Variants in HSD17B4 observed in about 807,000 individuals in gnomAD.
HSD17B4 encodes peroxisomal multifunctional enzyme type 2.
A neutral mutation model predicts 101.0 loss-of-function variants in HSD17B4; 70 were observed. The ratio of observed to expected loss-of-function variants is 0.69; its 90% confidence interval spans 0.57 to 0.85. HSD17B4 has a LOEUF of 0.85. HSD17B4 is among the 40% of genes least tolerant of loss of function. The pLI is 0.00. For missense variants in HSD17B4, 984 were observed against 892.4 expected (o/e 1.10, Z -1.31); for synonymous variants, 347 against 297.1 (o/e 1.17, Z -1.73).
Position 119,475,849 on chromosome 5 carries a change from A to G in HSD17B4, c.328A>G (p.Arg110Gly), listed in dbSNP as rs754589251. ...AATTCTGAGGGATCGTTCCTTTGCTAGGATAAGTGATGAAGACTGGGGTAA... is the reference window on the plus strand; with the variant it reads ...AATTCTGAGGGATCGTTCCTTTGCTGGGATAAGTGATGAAGACTGGGGTAA... ...AGILRDRSFA[R>G]ISDEDWDIIH... The change falls in exon 6 of 24, where the codon AGG becomes GGG. Residue 110 changes from arginine to glycine, a missense_variant. Transcript: ENST00000510025. 3.1e-6 allele frequency: 5 copies of G among 1,598,920 alleles called. No individual in the cohort carries two copies. The Admixed American group carries it at 6.7e-5, about 21-fold the overall frequency.
intron 11 of HSD17B4, among the ~76,000 whole-genome samples, chr5:119,494,325 T>TC (rs1230671198): frequency 1.8e-5 from 2 of 111,524 alleles, no homozygotes; most frequent in Non-Finnish European, 3.7e-5. Context: ...TCTTTCTTTC[T>TC]TTTCTTTCTT....
At chr5:119,501,188 A>G (rs1751128301) in intron 13 of HSD17B4, among the ~76,000 whole-genome samples, 1 of 152,138 alleles carries the variant, frequency 6.6e-6, no homozygotes. Flanking sequence ...GGAAATCGTA[A>G]ATGGTGTTCA....
intron 11 of HSD17B4, among the ~76,000 whole-genome samples, chr5:119,496,251 G>T (rs1306474190): frequency 2.0e-5 from 3 of 152,172 alleles, no homozygotes; most frequent in Admixed American, 6.6e-5. Flanking sequence ...TTGTAAAATA[G>T]CTTAAAGACA....
At chr5:119,519,745 A>G (rs1384876717) in intron 17 of HSD17B4, among the ~76,000 whole-genome samples, 2 of 152,250 alleles carry the variant, frequency 1.3e-5, no homozygotes, top group Admixed American at 6.5e-5. Flanking sequence ...ATGTAAAGTC[A>G]TTAAGAAAGC....
At chr5:119,464,546 T>G (rs1755614334) in intron 2 of HSD17B4, 1 of 152,172 alleles carries the variant, frequency 6.6e-6, no homozygotes, top group African/African-American at 2.4e-5. Context: ...CATTGGTCTA[T>G]GTATCTATTT....
At chr5:119,524,683 C>G (rs1036593383) in intron 17 of HSD17B4, among the ~76,000 whole-genome samples, 1 of 152,084 alleles carries the variant, frequency 6.6e-6, no homozygotes, top group African/African-American at 2.4e-5. Context: ...CTCAGCAGAA[C>G]TTTTATCATA....
At chr5:119,498,908 G>A (rs897079549) in intron 12 of HSD17B4, among the ~76,000 whole-genome samples, 12 of 152,096 alleles carry the variant, frequency 7.9e-5, no homozygotes, top group African/African-American at 2.7e-4. Context: ...CCATTATGAG[G>A]CAATCAAATT....
intron 13 of HSD17B4, among the ~76,000 whole-genome samples, chr5:119,501,491 A>T (rs1158848701): frequency 6.6e-6 from 1 of 152,112 alleles, no homozygotes; most frequent in Non-Finnish European, 1.5e-5. Context: ...GTGGCTATTA[A>T]GTTACACAGT....
chr5:119,480,578 C>T (rs1438523564), intron 8 of HSD17B4, among the ~76,000 whole-genome samples: 1 of 152,134 alleles, frequency 6.6e-6, no homozygotes, highest in Admixed American at 6.5e-5. Flanking sequence ...AGGGCGAGAT[C>T]ACAGGACCAC....
intron 10 of HSD17B4, 34 bp from the exon 11 acceptor site, chr5:119,493,784 G>A: frequency 6.2e-7 from 1 of 1,603,068 alleles, no homozygotes; most frequent in Non-Finnish European, 8.5e-7. Context: ...TCTCAACTAT[G>A]TGCTCAGTAT....
chr5:119,525,696 C>T (rs1753523693), intron 18 of HSD17B4: 1 of 567,774 alleles, frequency 1.8e-6, no homozygotes, highest in Non-Finnish European at 3.1e-6. Context: ...AGATCTCTCA[C>T]ATTCTTTTCC....
intron 6 of HSD17B4, 47 bp from the exon 7 acceptor site, chr5:119,477,370 G>A (rs767569017): frequency 1.3e-5 from 16 of 1,267,768 alleles, no homozygotes; most frequent in Non-Finnish European, 1.8e-5. Context: ...TCTTAGACAT[G>A]CCTAAGTTTT....
intron 12 of HSD17B4, among the ~76,000 whole-genome samples, chr5:119,498,297 C>T (rs1750831628): frequency 6.6e-6 from 1 of 152,116 alleles, no homozygotes; most frequent in Non-Finnish European, 1.5e-5. Flanking sequence ...TGATGAAGGG[C>T]CATATAGTAA....
chr5:119,514,525 G>A (rs192339959), intron 16 of HSD17B4, among the ~76,000 whole-genome samples: 2 of 152,122 alleles, frequency 1.3e-5, no homozygotes, highest in Admixed American at 1.3e-4. Flanking sequence ...TGGCATTAAG[G>A]GATCATAATA....
At chr5:119,482,614 A>G (rs1272223956) in intron 8 of HSD17B4, among the ~76,000 whole-genome samples, 2 of 152,120 alleles carry the variant, frequency 1.3e-5, no homozygotes, top group Non-Finnish European at 2.9e-5. Context: ...GTTAGGAGTT[A>G]GGCCGTGTTT....
At chr5:119,522,792 C>T (rs1462254834) in intron 17 of HSD17B4, among the ~76,000 whole-genome samples, 3 of 152,050 alleles carry the variant, frequency 2.0e-5, no homozygotes, top group Non-Finnish European at 2.9e-5. Context: ...CTGTTCTCCC[C>T]GAAAGTGATA....
At chr5:119,494,837 C>T (rs1477183911) in intron 11 of HSD17B4, among the ~76,000 whole-genome samples, 1 of 152,118 alleles carries the variant, frequency 6.6e-6, no homozygotes, top group African/African-American at 2.4e-5. Context: ...TCTCCTGTTA[C>T]ATACCACAGA....
intron 14 of HSD17B4, among the ~76,000 whole-genome samples, chr5:119,502,721 T>C (rs1246127339): frequency 6.6e-6 from 1 of 152,220 alleles, no homozygotes; most frequent in Non-Finnish European, 1.5e-5. Context: ...TGTCATTTCA[T>C]GTTATACAAT....
intron 17 of HSD17B4, among the ~76,000 whole-genome samples, chr5:119,520,106 T>A (rs565970951): frequency 6.6e-6 from 1 of 152,054 alleles, no homozygotes; most frequent in Non-Finnish European, 1.5e-5. Flanking sequence ...CAAAAATAAA[T>A]CATTGAGAAA....
Sources: gnomAD v4.1 joint callset for allele counts (sites outside exome capture counted in the v4.1 genomes callset) on GRCh38, gnomAD v4.1.1 for gene constraint, MANE v1.5 for transcripts, NCBI Gene and HGNC (gene_info 2026-07-23, HGNC 2026-07-21) for gene names.